The following HCK variants were observed in gnomAD, a reference collection of about 807,000 sequenced individuals.
The protein encoded by HCK is tyrosine-protein kinase HCK.
In HCK, 40 loss-of-function variants were observed where a neutral mutation model predicts 70.4. That is an observed-to-expected ratio of 0.57 (90% confidence interval 0.44 to 0.74). The LOEUF (loss-of-function observed/expected upper bound fraction) is 0.74. Ranked by LOEUF, HCK falls within the 30% of genes least tolerant of loss-of-function variation. HCK has a pLI of 0.00. For synonymous variants in HCK, 245 were observed against 263.2 expected (o/e 0.93, Z 0.67); for missense variants, 568 against 697.2 (o/e 0.81, Z 2.09).
intron 1 of HCK, among the ~76,000 whole-genome samples, chr20:32,068,399 A>T (rs912935875): frequency 9.9e-5 from 15 of 151,678 alleles, no homozygotes; most frequent in Admixed American, 2.0e-4. Flanking sequence ...ATTTTTTTTT[A>T]AAAAAGGAAA....
chr20:32,071,647 T>A lies in HCK; in HGVS notation c.63-15T>A, dbSNP rs1434970178. On this transcript the variant is annotated splice_polypyrimidine_tract_variant and intron_variant, in intron 1 of 12. Coordinates refer to ENST00000375852, the MANE Select transcript of HCK (RefSeq NM_002110.5). ...TCTTGGTAACTGGGGCTCACCTCCC[T>A]TCTGTCTGCTGCAGGATGGGGTGCA... 6.2e-7 allele frequency: 1 copy of A among 1,612,804 alleles called. No individual in the cohort carries two copies. The highest frequency in any genetic ancestry group is 1.3e-5 in the African/African-American group (1 of 74,894).
At chr20:32,092,262 T>C (rs893749829) in intron 10 of HCK, among the ~76,000 whole-genome samples, 1 of 152,184 alleles carries the variant, frequency 6.6e-6, no homozygotes, top group African/African-American at 2.4e-5. Flanking sequence ...TCAGACTGGT[T>C]TGAGCCTGAC....
chr20:32,071,160 C>T (rs1675574846), intron 1 of HCK, among the ~76,000 whole-genome samples: 1 of 152,154 alleles, frequency 6.6e-6, no homozygotes, highest in East Asian at 1.9e-4. Flanking sequence ...TTGCTCTGAG[C>T]CTGACACTGC....
chr20:32,098,263 C>T (rs2045983994), intron 11 of HCK, among the ~76,000 whole-genome samples: 1 of 152,024 alleles, frequency 6.6e-6, no homozygotes, highest in Non-Finnish European at 1.5e-5. Context: ...AATTCCTGAC[C>T]TCAGGTGATC....
chr20:32,086,731 G>T lies in HCK; in HGVS notation c.939G>T (p.Gln313His). Reference sequence around the variant, plus strand: ...AGGCCAACGTGATGAAAACTCTGCAGCATGACAAGCTGGTCAAACTTCATG... The same window carrying T: ...AGGCCAACGTGATGAAAACTCTGCATCATGACAAGCTGGTCAAACTTCATG... Residue 313 changes from glutamine (Q) to histidine (H), a missense_variant, in exon 9 of 13, where the codon CAG becomes CAT. Transcript: ENST00000375852. The T allele has an allele frequency of 6.2e-7, 1 of 1,610,736 alleles. No homozygotes were observed. The highest frequency in any genetic ancestry group is 8.5e-7 in the Non-Finnish European group (1 of 1,178,512).
chr20:32,058,856 A>T (rs2045318030), intron 1 of HCK, among the ~76,000 whole-genome samples: 1 of 152,172 alleles, frequency 6.6e-6, no homozygotes, highest in Non-Finnish European at 1.5e-5. Flanking sequence ...CCCACTGAGG[A>T]GCTCTGGGAG....
chr20:32,067,900 A>G (rs1294205411), intron 1 of HCK, among the ~76,000 whole-genome samples: 2 of 152,214 alleles, frequency 1.3e-5, no homozygotes, highest in African/African-American at 4.8e-5. Flanking sequence ...TATATTTATT[A>G]TATGTTAATA....
chr20:32,056,382 G>C (rs1341800995), intron 1 of HCK, among the ~76,000 whole-genome samples: 3 of 152,144 alleles, frequency 2.0e-5, no homozygotes, highest in Non-Finnish European at 4.4e-5. Context: ...CGGGCATTGT[G>C]GTGGGCGCCT....
intron 12 of HCK, 120 bp downstream of exon 12, chr20:32,099,255 T>A (rs1237304800): frequency 2.7e-6 from 3 of 1,092,018 alleles, no homozygotes; most frequent in African/African-American, 3.1e-5. Flanking sequence ...TCCCTCACCT[T>A]TCCTGTCTTA....
intron 1 of HCK, among the ~76,000 whole-genome samples, chr20:32,052,784 G>GGGC (rs2045196146): frequency 8.0e-6 from 1 of 125,270 alleles, no homozygotes; most frequent in Non-Finnish European, 1.6e-5. Context: ...CCCCTTCTTG[G>GGGC]GGGGGGGCGG....
At chr20:32,052,774 C>G (rs985155052) in intron 1 of HCK, among the ~76,000 whole-genome samples, 2 of 137,684 alleles carry the variant, frequency 1.5e-5, no homozygotes, top group African/African-American at 6.0e-5. Flanking sequence ...CGTCCAGGTT[C>G]CCCTTCTTGG....
intron 12 of HCK, among the ~76,000 whole-genome samples, chr20:32,100,336 A>G (rs939595085): frequency 6.6e-6 from 1 of 152,204 alleles, no homozygotes; most frequent in Non-Finnish European, 1.5e-5. Context: ...GCCAGTGAGG[A>G]GGCCACAGCA....
At chr20:32,064,500 A>G (rs2045427956) in intron 1 of HCK, among the ~76,000 whole-genome samples, 2 of 152,248 alleles carry the variant, frequency 1.3e-5, no homozygotes, top group Non-Finnish European at 2.9e-5. Flanking sequence ...TTCTTCTTTC[A>G]GAGAACTTCT....
In HCK at chr20:32,052,454, G is replaced by C. The variant is rs563015170; in HGVS notation, c.30G>C (p.Pro10=). The change falls in exon 1 of 13, where the codon CCG becomes CCC. Residue 10 remains proline (P), a synonymous_variant. Transcript: ENST00000375852. ...GGGGGCGCTCAAGCTGCGAGGATCCGGGCTGCCCGCGAGACGAGGAGCGGG... is the reference window on the plus strand; with the variant it reads ...GGGGGCGCTCAAGCTGCGAGGATCCCGGCTGCCCGCGAGACGAGGAGCGGG... The C allele has an allele frequency of 6.3e-6, 8 of 1,269,268 alleles. No homozygotes were observed. The Admixed American group carries it at 3.4e-4, about 53-fold the overall frequency. 78.6% of individuals were successfully genotyped at this position (1,269,268 alleles called of 1,614,324 possible). A position where few individuals can be genotyped will look rare whatever the true frequency, so the allele number is the denominator to read the frequency against.
At chr20:32,070,599 C>T (rs575112303) in intron 1 of HCK, among the ~76,000 whole-genome samples, 5 of 152,286 alleles carry the variant, frequency 3.3e-5, no homozygotes, top group Admixed American at 2.6e-4. Flanking sequence ...TCCCCAAATG[C>T]CCTGCCTAAA....
chr20:32,092,571 C>T (rs1368083421), intron 10 of HCK, among the ~76,000 whole-genome samples: 1 of 152,148 alleles, frequency 6.6e-6, no homozygotes, highest in African/African-American at 2.4e-5. Flanking sequence ...AAATGTACAT[C>T]AGAACATGTC....
At chr20:32,093,490 C>CGTGTGTGTGTGTGTGTGTGT (rs3073297) in intron 10 of HCK, among the ~76,000 whole-genome samples, 1 of 146,324 alleles carries the variant, frequency 6.8e-6, no homozygotes, top group South Asian at 2.2e-4. Context: ...TCCTAGGGTT[C>CGTGTGTGTGTGTGTGTGTGT]GTGTGTGTGT....
At chr20:32,094,811 A>AAGAGAGAGAAAGAGAAAG (rs767689694) in intron 11 of HCK, among the ~76,000 whole-genome samples, 19 of 122,018 alleles carry the variant, frequency 1.6e-4, no homozygotes, top group Admixed American at 1.9e-4. Flanking sequence ...GAAAGAAAGA[A>AAGAGAGAGAAAGAGAAAG]AGAAAGAAAG....
intron 10 of HCK, among the ~76,000 whole-genome samples, chr20:32,090,562 C>A (rs919876543): frequency 2.0e-5 from 3 of 152,164 alleles, no homozygotes; most frequent in African/African-American, 7.2e-5. Context: ...GTCTCCCCCA[C>A]CCCCATATAA....
Sources: gnomAD v4.1 joint callset for allele counts (sites outside exome capture counted in the v4.1 genomes callset) on GRCh38, gnomAD v4.1.1 for gene constraint, MANE v1.5 for transcripts, NCBI Gene and HGNC (gene_info 2026-07-23, HGNC 2026-07-21) for gene names.